ULK2: variants seen among roughly 807,000 people sequenced by gnomAD.
ULK2 encodes unc-51 like autophagy activating kinase 2, also known as serine/threonine-protein kinase ULK2.
ULK2 carries 76 observed loss-of-function variants against 127.5 expected under a neutral mutation model. The observed-to-expected ratio is 0.60, with a 90% confidence interval of 0.50 to 0.72. The LOEUF is 0.72. ULK2 is among the 30% of genes least tolerant of loss of function. The probability of loss-of-function intolerance (pLI) is 0.00; values close to 1 mark genes in which losing one functional copy is unlikely to be tolerated. For missense variants in ULK2, 1,144 were observed against 1,295.9 expected, an observed-to-expected ratio of 0.88 and a Z score of 1.80; for synonymous variants, 452 against 461.9, an observed-to-expected ratio of 0.98 and a Z score of 0.28.
Position 19,841,472 on chromosome 17 carries a change from G to A in ULK2, c.704+17C>T. 1 of 1,573,618 alleles carries A rather than the reference G, an allele frequency of 6.4e-7. No homozygotes were observed. The highest frequency in any genetic ancestry group is 8.6e-7 in the Non-Finnish European group (1 of 1,167,500). On this transcript the variant is annotated intron_variant, in intron 9 of 26. Coordinates refer to ENST00000395544, the MANE Select transcript of ULK2 (RefSeq NM_014683.4). ...GTATTCACAAATAGTAAAACCCAGT[G>A]TAATCTAAACACATACCTAGGCATT...
In ULK2 at chr17:19,807,109, A is replaced by G. The variant is rs75983441; in HGVS notation, c.1158-2279T>C. Among the ~76,000 whole-genome samples, 728 of 152,316 alleles carry G rather than the reference A, an allele frequency of 4.8e-3. 25 individuals carry two copies. The East Asian group carries it at 0.088, about 18-fold the overall frequency. Reference sequence around the variant, plus strand: ...GGACAGAGGGAGAGAAGAAGGAAGGATCTATGCATAAGAGCTCCTGTGAAA... The same window carrying G: ...GGACAGAGGGAGAGAAGAAGGAAGGGTCTATGCATAAGAGCTCCTGTGAAA... On this transcript the variant is annotated intron_variant, in intron 14 of 26. Coordinates refer to ENST00000395544, the MANE Select transcript of ULK2 (RefSeq NM_014683.4).
At chr17:19,839,073 A>G (rs1263620269) in intron 9 of ULK2, among the ~76,000 whole-genome samples, 2 of 151,716 alleles carry the variant, frequency 1.3e-5, no homozygotes, top group Non-Finnish European at 2.9e-5. Flanking sequence ...ATTGCCTTTG[A>G]GAAACAGCAT....
chr17:19,840,263 G>C (rs2041711040), intron 9 of ULK2: 1 of 521,228 alleles, frequency 1.9e-6, no homozygotes, highest in African/African-American at 1.9e-5. Context: ...TGAAATGAGA[G>C]TACCTGCTTC....
At chr17:19,832,366 C>G (rs2041478376) in intron 10 of ULK2, among the ~76,000 whole-genome samples, 1 of 151,588 alleles carries the variant, frequency 6.6e-6, no homozygotes, top group Non-Finnish European at 1.5e-5. Flanking sequence ...CTCCAGGGCT[C>G]AAGCAATCCT....
Position 19,771,655 on chromosome 17 carries a change from A to G in ULK2, c.*4694T>C, listed in dbSNP as rs1211638491. On this transcript the variant is annotated 3_prime_UTR_variant, in exon 27 of 27. Coordinates refer to ENST00000395544, the MANE Select transcript of ULK2 (RefSeq NM_014683.4). Reference sequence around the variant, plus strand: ...TTTCATATTCATTAACTTATTTCTCACCTCAACTCTGTGAGACATGCACTC... The same window carrying G: ...TTTCATATTCATTAACTTATTTCTCGCCTCAACTCTGTGAGACATGCACTC... 6.6e-6 allele frequency: 1 copy of G among 151,988 alleles called. No homozygotes were observed. The highest frequency in any genetic ancestry group is 1.5e-5 in the Non-Finnish European group (1 of 68,022). The allele number at this position is 151,988 out of a possible 1,614,324, so 9.4% of individuals were successfully genotyped here. A position where few individuals can be genotyped will look rare whatever the true frequency, so the allele number is the denominator to read the frequency against.
At chr17:19,842,766 C>T (rs2041795847) in intron 8 of ULK2, among the ~76,000 whole-genome samples, 1 of 152,010 alleles carries the variant, frequency 6.6e-6, no homozygotes, top group Non-Finnish European at 1.5e-5. Flanking sequence ...AGATGGTTTC[C>T]AGAGATCTCC....
At chr17:19,811,489 T>C (rs1197337326) in intron 13 of ULK2, among the ~76,000 whole-genome samples, 1 of 152,076 alleles carries the variant, frequency 6.6e-6, no homozygotes, top group African/African-American at 2.4e-5. Flanking sequence ...TCGCCCAGGC[T>C]GAAGTGCAGC....
At chr17:19,848,596 G>A (rs992438553) in intron 5 of ULK2, among the ~76,000 whole-genome samples, 1 of 152,080 alleles carries the variant, frequency 6.6e-6, no homozygotes, top group Non-Finnish European at 1.5e-5. Context: ...GATCAACATG[G>A]TGAAACCCTG....
Position 19,801,895 on chromosome 17 carries a change from G to A in ULK2, c.1323C>T (p.Thr441=). 1 of 1,613,098 alleles carries A rather than the reference G, an allele frequency of 6.2e-7. No homozygotes were observed. Among genetic ancestry groups the A allele is most frequent in the Non-Finnish European group, 8.5e-7 (1 of 1,179,780 alleles). The change falls in exon 16 of 27, where the codon ACC becomes ACT. Residue 441 remains threonine (T), a synonymous_variant. Transcript: ENST00000395544. ...CCGGCCGGAGGAAGCCCATGGGGCT[G>A]GTGTTGGACCTTCGTACCACTGCAG... is the stretch of plus-strand genomic sequence containing the variant. The part of the protein sequence containing the change: ...PRSAVVRRSN[T]SPMGFLRPGS...
At chr17:19,811,350 A>G (rs1487954171) in intron 13 of ULK2, 2 of 152,174 alleles carry the variant, frequency 1.3e-5, no homozygotes, top group Non-Finnish European at 2.9e-5. Context: ...AGAAAATAAA[A>G]TCCCTAAAAA....
At chr17:19,802,941 CAT>C (rs1243169345) in intron 15 of ULK2, among the ~76,000 whole-genome samples, 1 of 152,142 alleles carries the variant, frequency 6.6e-6, no homozygotes, top group African/African-American at 2.4e-5. Flanking sequence ...ATCAAAAAGT[CAT>C]ATTCATAACA....
chr17:19,812,346 G>A (rs2087662032), intron 13 of ULK2, among the ~76,000 whole-genome samples: 1 of 152,170 alleles, frequency 6.6e-6, no homozygotes. Flanking sequence ...TTTCACCGTA[G>A]TAACCATTTT....
rs760097436 is a variant in ULK2 at position 19,801,786 on chromosome 17, A to G, written c.1432T>C (p.Ser478Pro). Reference sequence around the variant, plus strand: ...TTTAAACTCTACTTACCCAAAGGGGAAGGTGAGTAAGGCCTAGAAGACCCA... The same window carrying G: ...TTTAAACTCTACTTACCCAAAGGGGGAGGTGAGTAAGGCCTAGAAGACCCA... ...STGSSRPYSPSPLVGTIPEQF... is the reference protein window; with the variant it reads ...STGSSRPYSPPPLVGTIPEQF... Residue 478 changes from serine to proline, a missense_variant, in exon 16 of 27, where the codon TCC (serine) becomes CCC (proline). This residue lies in a region of ULK2 where 913 missense variants were observed against 970.5 expected (regional missense o/e 0.94). Transcript: ENST00000395544. The G allele has an allele frequency of 6.2e-7, 1 of 1,613,676 alleles. No homozygotes were observed. Among genetic ancestry groups the G allele is most frequent in the South Asian group, 1.1e-5 (1 of 91,022 alleles).
chr17:19,817,607 T>C (rs2041023485), intron 12 of ULK2, among the ~76,000 whole-genome samples: 1 of 152,228 alleles, frequency 6.6e-6, no homozygotes, highest in Non-Finnish European at 1.5e-5. Context: ...TAGCTACGTA[T>C]CTTTTGTCGT....
rs1222094829 is a variant in ULK2 at position 19,776,243 on chromosome 17, G to C, written c.*106C>G. The C allele has an allele frequency of 1.1e-5, 11 of 988,188 alleles. No homozygotes were observed. The highest frequency in any genetic ancestry group is 1.6e-5 in the Non-Finnish European group (11 of 696,348). The allele number at this position is 988,188 out of a possible 1,614,324, so 61.2% of individuals were successfully genotyped here. ...ACTGCTTGTTCTTTGGTAGTCACCA[G>C]TTAAGAAGCTACAGTTTCCTGGGGA... is the stretch of plus-strand genomic sequence containing the variant. On this transcript the variant is annotated 3_prime_UTR_variant, in exon 27 of 27. Transcript: ENST00000395544.
intron 12 of ULK2, among the ~76,000 whole-genome samples, chr17:19,822,876 T>C (rs1243346815): frequency 2.0e-5 from 3 of 151,922 alleles, no homozygotes; most frequent in African/African-American, 4.8e-5. Context: ...TCAGTAGAGA[T>C]GGGGTTTCAC....
intron 8 of ULK2, 148 bp downstream of exon 8, chr17:19,842,972 TA>T: frequency 1.4e-6 from 1 of 709,800 alleles, no homozygotes. Context: ...TCTGACTCAC[TA>T]AAGCAGTTTT....
At position 19,772,070 on chromosome 17, in the gene ULK2, T is replaced by C. The variant is rs1036230058; in HGVS notation, c.*4279A>G. The C allele has an allele frequency of 1.3e-5, 2 of 152,366 alleles. No homozygotes were observed. Among genetic ancestry groups the C allele is most frequent in the African/African-American group, 4.8e-5 (2 of 41,450 alleles). The allele number at this position is 152,366 out of a possible 1,614,324, so 9.4% of individuals were successfully genotyped here. A position where few individuals can be genotyped will look rare whatever the true frequency, so the allele number is the denominator to read the frequency against. ...CTCGGGACCACATGTGCCCAGGGGC[T>C]CCACAGGGCTGGGTCCTGGCTCTGG... is the stretch of plus-strand genomic sequence containing the variant. On this transcript the variant is annotated 3_prime_UTR_variant, in exon 27 of 27. Coordinates refer to ENST00000395544, the MANE Select transcript of ULK2 (RefSeq NM_014683.4).
chr17:19,852,877 C>G (rs2042048574), intron 3 of ULK2, among the ~76,000 whole-genome samples: 1 of 151,920 alleles, frequency 6.6e-6, no homozygotes, highest in South Asian at 2.1e-4. Context: ...GTCTCAATCT[C>G]CTGACCTCGT....
Sources: allele counts gnomAD v4.1 joint callset (sites outside exome capture counted in the v4.1 genomes callset), GRCh38; gene constraint gnomAD v4.1.1; regional missense constraint gnomAD v4.1.1; transcripts MANE v1.5; gene names NCBI Gene and HGNC (gene_info 2026-07-23, HGNC 2026-07-21).